Variants in FMO1 observed in about 807,000 individuals in gnomAD.
FMO1 encodes flavin-containing monooxygenase 1.
Under a neutral mutation model 45.4 loss-of-function variants are expected in FMO1, and 36 were observed. The ratio of observed to expected loss-of-function variants is 0.79; its 90% CI spans 0.61 to 1.05. FMO1 has a LOEUF of 1.05. Ranked by LOEUF, FMO1 falls within the 50% of genes least tolerant of loss-of-function variation. FMO1 has a pLI of 0.00. For synonymous variants in FMO1, 228 were observed against 227.2 expected (o/e 1.00, Z -0.03); for missense variants, 615 against 640.3 (o/e 0.96, Z 0.43).
chr1:171,270,960 ATCT>A (rs1660832759), intron 3 of FMO1: 8 of 804,542 alleles, frequency 9.9e-6, no homozygotes, highest in Admixed American at 4.2e-5. Context: ...CTTATTCATC[ATCT>A]TCTTCATCTT....
chr1:171,275,440 T>A lies in FMO1; in HGVS notation c.416T>A (p.Ile139Asn), dbSNP rs1199042560. Reference protein sequence around the residue: ...TMHEEKQESAIFDAVMVCTGF... With the variant: ...TMHEEKQESANFDAVMVCTGF... ...CATGAAGAGAAGCAAGAGTCAGCCA[T>A]CTTTGATGCTGTCATGGTCTGCACT... The change falls in exon 4 of 9, where the codon ATC becomes AAC. Residue 139 changes from isoleucine to asparagine, a missense_variant. Transcript: ENST00000617670. 1 of 1,613,378 alleles carries A rather than the reference T, an allele frequency of 6.2e-7. No homozygotes were observed. Among genetic ancestry groups the A allele is most frequent in the Admixed American group, 1.7e-5 (1 of 59,996 alleles).
chr1:171,249,792 C>T (rs1659800995), intron 1 of FMO1, among the ~76,000 whole-genome samples: 1 of 152,038 alleles, frequency 6.6e-6, no homozygotes, highest in South Asian at 2.1e-4. Flanking sequence ...ACAAATCTGA[C>T]AGTGCCAATG....
chr1:171,248,561 C>A lies in FMO1; in HGVS notation c.-69C>A, dbSNP rs1659731961. ...CTGGCTCATACTGATTCATTTTGATCTCTGCTAATACCAGAGTCCTGCGTG... is the reference window on the plus strand; with the variant it reads ...CTGGCTCATACTGATTCATTTTGATATCTGCTAATACCAGAGTCCTGCGTG... On this transcript the variant is annotated 5_prime_UTR_variant, in exon 1 of 9. Transcript: ENST00000617670. The A allele has an allele frequency of 6.6e-6, 1 of 152,178 alleles. No individual in the cohort carries two copies. Among genetic ancestry groups the A allele is most frequent in the Admixed American group, 6.5e-5 (1 of 15,292 alleles). The allele number at this position is 152,178 out of a possible 1,614,324, so 9.4% of individuals were successfully genotyped here.
chr1:171,253,361 T>C (rs1659989848), intron 1 of FMO1, among the ~76,000 whole-genome samples: 1 of 152,162 alleles, frequency 6.6e-6, no homozygotes, highest in South Asian at 2.1e-4. Context: ...ACCCTCTACC[T>C]GCACCACGAA....
Position 171,285,456 on chromosome 1 carries a change from T to C in FMO1, c.1511T>C (p.Val504Ala), listed in dbSNP as rs1661590360. 1 of 1,573,290 alleles carries C rather than the reference T, an allele frequency of 6.4e-7. No individual in the cohort carries two copies. The highest frequency in any genetic ancestry group is 1.4e-5 in the African/African-American group (1 of 73,124). Residue 504 changes from valine to alanine, a missense_variant, in exon 9 of 9, where the codon GTA (valine) becomes GCA (alanine). Coordinates refer to ENST00000617670, the MANE Select transcript of FMO1 (RefSeq NM_001282693.2). ...TTCAAGGTCATCAAAGCTCGAGTTG[T>C]ACAAGAGTCTCCATCTCCCTTTGAA... ...RTFKVIKARV[V>A]QESPSPFESF... is the part of the protein sequence containing the mutation.
intron 7 of FMO1, chr1:171,282,889 C>T: frequency 2.5e-6 from 1 of 392,816 alleles, no homozygotes; most frequent in Non-Finnish European, 4.6e-6. Context: ...TGACAACATT[C>T]AGCCAAACTA....
At chr1:171,272,838 T>G (rs1235600849) in intron 3 of FMO1, among the ~76,000 whole-genome samples, 1 of 152,220 alleles carries the variant, frequency 6.6e-6, no homozygotes, top group Non-Finnish European at 1.5e-5. Flanking sequence ...GGACTTGCCA[T>G]GTCTCAGTTG....
intron 4 of FMO1, among the ~76,000 whole-genome samples, chr1:171,278,446 C>T (rs1661201152): frequency 6.6e-6 from 1 of 151,978 alleles, no homozygotes; most frequent in African/African-American, 2.4e-5. Flanking sequence ...ACTCCTTATA[C>T]TTTTGCTTAA....
intron 2 of FMO1, among the ~76,000 whole-genome samples, chr1:171,259,456 A>G (rs1660293097): frequency 6.6e-6 from 1 of 152,054 alleles, no homozygotes; most frequent in Non-Finnish European, 1.5e-5. Flanking sequence ...TAGGCCAAAA[A>G]TCTCCCCACT....
At chr1:171,254,982 A>C (rs1660089810) in intron 1 of FMO1, among the ~76,000 whole-genome samples, 1 of 152,248 alleles carries the variant, frequency 6.6e-6, no homozygotes, top group Non-Finnish European at 1.5e-5. Flanking sequence ...GCTCTAGAGA[A>C]AGCGTCATGC....
chr1:171,269,127 G>C (rs1223705151), intron 3 of FMO1, among the ~76,000 whole-genome samples: 1 of 152,142 alleles, frequency 6.6e-6, no homozygotes, highest in Admixed American at 6.6e-5. Context: ...TAAATTGCCA[G>C]GTCTCTGGTA....
At position 171,267,607 on chromosome 1, in the gene FMO1, T is replaced by C. The variant is rs752430187; in HGVS notation, c.197T>C (p.Met66Thr). 7 of 1,613,902 alleles carry C rather than the reference T, an allele frequency of 4.3e-6. No individual in the cohort carries two copies. Among genetic ancestry groups the C allele is most frequent in the Non-Finnish European group, 5.9e-6 (7 of 1,179,882 alleles). Residue 66 changes from methionine (M) to threonine (T), a missense_variant, in exon 3 of 9, where the codon ATG becomes ACG. Coordinates refer to ENST00000617670, the MANE Select transcript of FMO1 (RefSeq NM_001282693.2). ...KSVVSNSCKE[M>T]SCYSDFPFPE... ...GTGGTTTCCAACAGCTGCAAGGAGA[T>C]GTCTTGTTACTCAGACTTTCCATTC... is the stretch of plus-strand genomic sequence containing the variant.
intron 3 of FMO1, among the ~76,000 whole-genome samples, chr1:171,274,699 G>A (rs935157970): frequency 2.0e-5 from 3 of 152,160 alleles, no homozygotes; most frequent in Non-Finnish European, 4.4e-5. Flanking sequence ...CACTTGGTGA[G>A]TGAATAATTT....
In FMO1 at chr1:171,282,350, G is replaced by A. The variant is rs1661396378; in HGVS notation, c.1183+17G>A. 6.5e-7 allele frequency: 1 copy of A among 1,546,026 alleles called. No individual in the cohort carries two copies. Among genetic ancestry groups the A allele is most frequent in the African/African-American group, 1.4e-5 (1 of 73,266 alleles). ...TCCTGAAAGGTAAGTATAAGAAATA[G>A]CAGGGCATGTGTTTTTGGTGTGCCA... is the stretch of plus-strand genomic sequence containing the variant. On this transcript the variant is annotated intron_variant, in intron 7 of 8. Coordinates refer to ENST00000617670, the MANE Select transcript of FMO1 (RefSeq NM_001282693.2).
intron 1 of FMO1, among the ~76,000 whole-genome samples, chr1:171,249,845 A>AG (rs1659804154): frequency 6.6e-6 from 1 of 152,176 alleles, no homozygotes. Context: ...GGAAACAGTT[A>AG]AACATTGGCT....
At position 171,264,644 on chromosome 1, in the gene FMO1, A is replaced by G. The variant is rs922860051; in HGVS notation, c.133-2899A>G. Among the ~76,000 whole-genome samples the G allele has an allele frequency of 7.2e-5, 11 of 152,008 alleles. No homozygotes were observed. The East Asian group carries it at 1.5e-3, about 21-fold the overall frequency. On this transcript the variant is annotated intron_variant, in intron 2 of 8. Transcript: ENST00000617670. ...GTGGCTCACGCCTGTAATCTCAGCAATTTGGGAGGCCGAGAAGGGCGGATC... is the reference window on the plus strand; with the variant it reads ...GTGGCTCACGCCTGTAATCTCAGCAGTTTGGGAGGCCGAGAAGGGCGGATC...
intron 1 of FMO1, among the ~76,000 whole-genome samples, chr1:171,255,973 A>G (rs1660129309): frequency 6.6e-6 from 1 of 152,154 alleles, no homozygotes; most frequent in African/African-American, 2.4e-5. Context: ...ACTATGTCAT[A>G]CAAAAATGAG....
At chr1:171,257,640 T>G (rs947124296) in intron 1 of FMO1, 10 of 207,670 alleles carry the variant, frequency 4.8e-5, no homozygotes, top group Non-Finnish European at 7.8e-5. Flanking sequence ...TGTGGTGTTG[T>G]GTCAGGTCAC....
chr1:171,265,315 C>T (rs1426035698), intron 2 of FMO1, among the ~76,000 whole-genome samples: 2 of 151,332 alleles, frequency 1.3e-5, no homozygotes, highest in Admixed American at 6.6e-5. Flanking sequence ...GGCATGAACC[C>T]GGGAGGCAGA....
Sources: gnomAD v4.1 joint callset for allele counts (sites outside exome capture counted in the v4.1 genomes callset) on GRCh38, gnomAD v4.1.1 for gene constraint, MANE v1.5 for transcripts, NCBI Gene and HGNC (gene_info 2026-07-23, HGNC 2026-07-21) for gene names.